Variants in BMPR1B observed in about 807,000 individuals in gnomAD.
BMPR1B encodes the protein bone morphogenetic protein receptor type-1B.
BMPR1B carries 12 observed loss-of-function variants against 59.1 expected under a neutral mutation model. The ratio of observed to expected loss-of-function variants is 0.20; its 90% confidence interval spans 0.13 to 0.33. The LOEUF is 0.33. BMPR1B is among the 10% of genes least tolerant of loss of function. The probability of loss-of-function intolerance (pLI) is 1.00; values close to 1 mark genes in which losing one functional copy is unlikely to be tolerated. For synonymous variants in BMPR1B, 237 were observed against 207.3 expected (o/e 1.14, Z -1.23); for missense variants, 550 against 610.9 (o/e 0.90, Z 1.05).
At chr4:94,850,235 T>C (rs1578718788) in intron 1 of BMPR1B, among the ~76,000 whole-genome samples, 1 of 150,632 alleles carries the variant, frequency 6.6e-6, no homozygotes, top group South Asian at 2.1e-4. Context: ...TTTGGCAGTC[T>C]AGGGAAACCT....
rs2149064983 is a variant in BMPR1B at position 94,960,099 on chromosome 4, T to C, written c.-112-35941T>C. On this transcript the variant is annotated intron_variant, in intron 2 of 12. Transcript: ENST00000515059. ...AACTATCCGGGATGCTTTTGTCTCT[T>C]TTTACCAATATGAAGGTCCAAAAAT... Among the ~76,000 whole-genome samples the C allele has an allele frequency of 2.1e-5, 3 of 143,832 alleles. No individual in the cohort carries two copies. In the South Asian group the frequency reaches 6.2e-4, roughly 30 times the overall value. 94.4% of individuals were successfully genotyped at this position (143,832 alleles called of 152,430 possible). A position where few individuals can be genotyped will look rare whatever the true frequency, so the allele number is the denominator to read the frequency against.
intron 3 of BMPR1B, among the ~76,000 whole-genome samples, chr4:95,030,813 G>A (rs1300200732): frequency 6.6e-6 from 1 of 152,146 alleles, no homozygotes; most frequent in East Asian, 1.9e-4. Context: ...CAACTTAAAA[G>A]GGACGTGAAG....
At chr4:94,854,763 G>GC (rs1439071441) in intron 1 of BMPR1B, among the ~76,000 whole-genome samples, 1 of 151,994 alleles carries the variant, frequency 6.6e-6, no homozygotes, top group Admixed American at 6.6e-5. Context: ...AGAAAGACAT[G>GC]CTCCCTAGTC....
chr4:95,092,254 A>G (rs1332816351), intron 3 of BMPR1B, among the ~76,000 whole-genome samples: 1 of 152,130 alleles, frequency 6.6e-6, no homozygotes, highest in Admixed American at 6.6e-5. Context: ...GATAAAGTGT[A>G]CATTTGGAGA....
chr4:94,771,326 G>A (rs7694987), intron 1 of BMPR1B, among the ~76,000 whole-genome samples: 132,459 of 152,174 alleles, frequency 0.87, 57,938 homozygotes, highest in African/African-American at 0.96. Flanking sequence ...CTAAATCCAT[G>A]CTCAAATGTT....
chr4:95,078,107 T>G (rs1011472325), intron 3 of BMPR1B, among the ~76,000 whole-genome samples: 2 of 152,192 alleles, frequency 1.3e-5, no homozygotes, highest in African/African-American at 4.8e-5. Flanking sequence ...GAACCATGAC[T>G]ATGGAATTTC....
At chr4:94,780,206 C>G (rs1357271192) in intron 1 of BMPR1B, among the ~76,000 whole-genome samples, 1 of 152,028 alleles carries the variant, frequency 6.6e-6, no homozygotes, top group Non-Finnish European at 1.5e-5. Flanking sequence ...CCTCAGTAGC[C>G]ACTAATCTAG....
At chr4:94,831,326 T>C (rs988800531) in intron 1 of BMPR1B, among the ~76,000 whole-genome samples, 4 of 152,180 alleles carry the variant, frequency 2.6e-5, no homozygotes, top group Admixed American at 6.5e-5. Context: ...GTTTGTGTTT[T>C]AAGCTAAATG....
intron 2 of BMPR1B, among the ~76,000 whole-genome samples, chr4:94,913,661 G>T (rs994065198): frequency 3.3e-5 from 5 of 152,084 alleles, no homozygotes; most frequent in Admixed American, 6.6e-5. Context: ...GTGTGTGTGT[G>T]TGTGTAGCCT....
At chr4:94,970,292 TTCTCTTCTCTTCTTTCTC>T (rs1730730376) in intron 2 of BMPR1B, among the ~76,000 whole-genome samples, 2 of 47,462 alleles carry the variant, frequency 4.2e-5, no homozygotes, top group Admixed American at 2.1e-4. Flanking sequence ...TTCTCTTCTC[TTCTCTTCTCTTCTTTCTC>T]TCTCTCTTTC....
Position 94,811,175 on chromosome 4 carries a change from C to T in BMPR1B, c.-183+53107C>T, listed in dbSNP as rs189838254. ...CGTTAGGAGAAATAGAAGTTTATTT[C>T]TCATTGACATAAAGTCCAGAACAGG... On this transcript the variant is annotated intron_variant, in intron 1 of 12. Coordinates refer to ENST00000515059, the MANE Select transcript of BMPR1B (RefSeq NM_001203.3). Among the ~76,000 whole-genome samples the T allele has an allele frequency of 3.9e-3, 591 of 152,270 alleles. 3 individuals carry two copies. Among genetic ancestry groups the T allele is most frequent in the African/African-American group, 0.014 (564 of 41,550 alleles).
At chr4:94,991,537 G>C (rs1042987790) in intron 2 of BMPR1B, among the ~76,000 whole-genome samples, 2 of 152,126 alleles carry the variant, frequency 1.3e-5, no homozygotes, top group Non-Finnish European at 2.9e-5. Context: ...TTTGAACAGG[G>C]ACTTGAACGT....
chr4:95,058,584 A>G (rs925876834), intron 3 of BMPR1B, among the ~76,000 whole-genome samples: 10 of 152,196 alleles, frequency 6.6e-5, no homozygotes, highest in Non-Finnish European at 1.5e-4. Flanking sequence ...TTTTCTGGCC[A>G]TCTCTGTCTA....
At chr4:95,027,533 A>G (rs566463991) in intron 3 of BMPR1B, among the ~76,000 whole-genome samples, 8 of 152,196 alleles carry the variant, frequency 5.3e-5, no homozygotes, top group Admixed American at 2.0e-4. Flanking sequence ...CAGAGTAACA[A>G]TAAACCTTTT....
rs184357879 is a variant in BMPR1B, at chr4:95,130,702, T to G, written c.779-513T>G. 5.2e-3 allele frequency among the ~76,000 whole-genome samples: 775 copies of G among 150,260 alleles called. 5 individuals are homozygous for G. Among genetic ancestry groups the G allele is most frequent in the African/African-American group, 0.017 (718 of 41,070 alleles). On this transcript the variant is annotated intron_variant, in intron 9 of 12. Transcript: ENST00000515059. ...TAATCTTTCTCTACTCCTACAGGTT[T>G]TTTTCTTTTTCTTTTCTTTTCTTTT...
rs370575343 is a variant in BMPR1B at position 94,789,622 on chromosome 4, G to C, written c.-183+31554G>C. On this transcript the variant is annotated intron_variant, in intron 1 of 12. Transcript: ENST00000515059. Reference sequence around the variant, plus strand: ...TAAACATAAAATAAATAAGTAATAAGTCATTAGCAAAAAACCATAAAGCAA... The same window carrying C: ...TAAACATAAAATAAATAAGTAATAACTCATTAGCAAAAAACCATAAAGCAA... Among the ~76,000 whole-genome samples, 15 of 152,188 alleles carry C rather than the reference G, an allele frequency of 9.9e-5. No homozygotes were observed. The South Asian group carries it at 1.9e-3, about 19-fold the overall frequency.
chr4:94,958,779 A>G (rs1730250931), intron 2 of BMPR1B, among the ~76,000 whole-genome samples: 1 of 152,090 alleles, frequency 6.6e-6, no homozygotes, highest in African/African-American at 2.4e-5. Context: ...GTCTGGTGTC[A>G]TAATTAGTAG....
chr4:94,848,801 A>G (rs1173736187), intron 1 of BMPR1B, among the ~76,000 whole-genome samples: 2 of 152,144 alleles, frequency 1.3e-5, no homozygotes, highest in African/African-American at 4.8e-5. Context: ...GAGAAAAGGT[A>G]AAATTCAGGG....
chr4:94,782,417 C>G (rs1219127879), intron 1 of BMPR1B, among the ~76,000 whole-genome samples: 3 of 151,838 alleles, frequency 2.0e-5, no homozygotes, highest in African/African-American at 7.3e-5. Context: ...GTGATCATCC[C>G]ACCTCAGCCT....
Sources: allele counts gnomAD v4.1 joint callset (sites outside exome capture counted in the v4.1 genomes callset), GRCh38; gene constraint gnomAD v4.1.1; transcripts MANE v1.5; gene names NCBI Gene and HGNC (gene_info 2026-07-23, HGNC 2026-07-21).